Variants in CYP4F3 observed in about 807,000 individuals in gnomAD.
CYP4F3 encodes the protein cytochrome P450 4F3.
CYP4F3 carries 50 observed loss-of-function variants against 54.8 expected under a neutral mutation model. The ratio of observed to expected loss-of-function variants is 0.91; its 90% CI spans 0.73 to 1.16. CYP4F3 has a LOEUF of 1.16. CYP4F3 is among the 50% of genes most tolerant of loss of function. The probability of loss-of-function intolerance (pLI) is 0.00; values close to 1 mark genes in which losing one functional copy is unlikely to be tolerated. For missense variants in CYP4F3, 715 were observed against 676.2 expected (o/e 1.06, Z -0.64); for synonymous variants, 244 against 262.6 (o/e 0.93, Z 0.69).
At chr19:15,655,837 T>C (rs1328110896) in intron 9 of CYP4F3, among the ~76,000 whole-genome samples, 1 of 152,250 alleles carries the variant, frequency 6.6e-6, no homozygotes, top group Non-Finnish European at 1.5e-5. Flanking sequence ...CACAGTATGA[T>C]GTTGTGATAT....
chr19:15,646,954 G>A (rs1972644072), intron 3 of CYP4F3, 98 bp from the exon 4 acceptor site: 1 of 1,533,488 alleles, frequency 6.5e-7, no homozygotes, highest in African/African-American at 1.4e-5. Context: ...GGGGCTTGGA[G>A]GGAAGAAGTG....
chr19:15,650,700 CT>C (rs1173605843), intron 7 of CYP4F3, among the ~76,000 whole-genome samples: 1 of 59,440 alleles, frequency 1.7e-5, no homozygotes, highest in African/African-American at 9.8e-5. Flanking sequence ...TTCTTTCTTT[CT>C]TTCTTTCTTT....
In CYP4F3 at chr19:15,643,507, G is replaced by A. The variant is rs558196845; in HGVS notation, c.198+1894G>A. 7.2e-5 allele frequency among the ~76,000 whole-genome samples: 11 copies of A among 152,172 alleles called. No homozygotes were observed. The East Asian group carries it at 1.5e-3, about 21-fold the overall frequency. ...ATAGATAGAAGAGGGAGTTTATTTC[G>A]GGAATTGGCTCACAGGATTATAGAA... is the stretch of plus-strand genomic sequence containing the variant. On this transcript the variant is annotated intron_variant, in intron 2 of 12. Transcript: ENST00000221307.
At chr19:15,642,216 T>C (rs1345971096) in intron 2 of CYP4F3, among the ~76,000 whole-genome samples, 1 of 152,176 alleles carries the variant, frequency 6.6e-6, no homozygotes, top group African/African-American at 2.4e-5. Flanking sequence ...AGACCTGCTC[T>C]CCCCTTTGCG....
chr19:15,647,459 C>T, intron 5 of CYP4F3, 135 bp downstream of exon 5: 24 of 1,428,904 alleles, frequency 1.7e-5, no homozygotes, highest in Non-Finnish European at 2.2e-5. Context: ...GTTTCCTCAT[C>T]TGTAAAATCC....
intron 2 of CYP4F3, among the ~76,000 whole-genome samples, chr19:15,642,884 A>AGATG (rs29001545): frequency 0.011 from 1,731 of 150,842 alleles, 31 homozygotes; most frequent in Admixed American, 0.043. Context: ...TGCATGGATA[A>AGATG]GATGGATGGA....
At chr19:15,643,784 C>A (rs1281906484) in intron 2 of CYP4F3, 24 of 1,225,986 alleles carry the variant, frequency 2.0e-5, no homozygotes, top group Non-Finnish European at 2.2e-5. Flanking sequence ...AAATTGAATG[C>A]CAGTCTCTTC....
At chr19:15,642,106 G>A (rs997482791) in intron 2 of CYP4F3, among the ~76,000 whole-genome samples, 1 of 151,458 alleles carries the variant, frequency 6.6e-6, no homozygotes, top group Non-Finnish European at 1.5e-5. Flanking sequence ...ATGTCCCAAT[G>A]GGGTCCTGTT....
At position 15,645,757 on chromosome 19, in the gene CYP4F3, C is replaced by G. The variant is rs754771945; in HGVS notation, c.237C>G (p.Ser79Arg). Reference protein sequence around the residue: ...SSEEGLLYTQSLACTFGDMCC... With the variant: ...SSEEGLLYTQRLACTFGDMCC... The stretch of plus-strand genomic sequence containing the variant: ...AGGAAGGTCTCCTATACACACAAAG[C>G]CTGGCATGCACCTTCGGTGATATGT... The change falls in exon 3 of 13, where the codon AGC becomes AGG. Residue 79 changes from serine (S) to arginine (R), a missense_variant. By Grantham distance (110) the Ser-to-Arg change is moderately radical. Transcript: ENST00000221307. 1.1e-5 allele frequency: 17 copies of G among 1,613,884 alleles called. No individual in the cohort carries two copies.
At chr19:15,658,173 G>A in intron 9 of CYP4F3, 91 bp from the exon 10 acceptor site, 1 of 1,565,428 alleles carries the variant, frequency 6.4e-7, no homozygotes, top group Non-Finnish European at 8.6e-7. Flanking sequence ...TTTCGTTACA[G>A]GGAGAAAAGG....
intron 10 of CYP4F3, 33 bp from the exon 11 acceptor site, chr19:15,658,458 G>A (rs1417582348): frequency 1.9e-6 from 3 of 1,613,884 alleles, no homozygotes; most frequent in African/African-American, 1.3e-5. Context: ...CAGGCAGGGA[G>A]CATTGTCCTG....
intron 3 of CYP4F3, among the ~76,000 whole-genome samples, chr19:15,646,492 TTA>T (rs1161917231): frequency 6.6e-6 from 1 of 152,206 alleles, no homozygotes; most frequent in Admixed American, 6.5e-5. Context: ...GGTACCATAT[TTA>T]TATTCAACCT....
intron 2 of CYP4F3, among the ~76,000 whole-genome samples, chr19:15,645,402 A>G (rs1390220237): frequency 6.6e-6 from 1 of 152,218 alleles, no homozygotes; most frequent in Non-Finnish European, 1.5e-5. Flanking sequence ...CAGGTTTGCC[A>G]TGGTCTGGGA....
chr19:15,646,005 C>T, intron 3 of CYP4F3, 142 bp downstream of exon 3: 1 of 1,222,758 alleles, frequency 8.2e-7, no homozygotes, highest in Non-Finnish European at 1.1e-6. Flanking sequence ...CTGCTTCCAT[C>T]TCCCCTGGAC....
At position 15,659,390 on chromosome 19, in the gene CYP4F3, T is replaced by G; in HGVS notation, c.*5T>G. 6.2e-7 allele frequency: 1 copy of G among 1,610,418 alleles called. No individual in the cohort carries two copies. ...CGGGTGGAGCCCCTGAGCTGAGTTC[T>G]GCAGAGACCCACTCTGACCCCACTA... On this transcript the variant is annotated 3_prime_UTR_variant, in exon 13 of 13. Coordinates refer to ENST00000221307, the MANE Select transcript of CYP4F3 (RefSeq NM_000896.3).
intron 2 of CYP4F3, chr19:15,643,841 A>G (rs1335861782): frequency 7.0e-7 from 1 of 1,433,268 alleles, no homozygotes; most frequent in Non-Finnish European, 9.1e-7. Context: ...GGCATCCTTT[A>G]GCCCAGTCAA....
Position 15,647,302 on chromosome 19 carries a change from A to T in CYP4F3, c.503A>T (p.Asn168Ile), listed in dbSNP as rs370502478. 1 of 1,614,202 alleles carries T rather than the reference A, an allele frequency of 6.2e-7. No individual in the cohort carries two copies. Among genetic ancestry groups the T allele is most frequent in the East Asian group, 2.2e-5 (1 of 44,884 alleles). Residue 168 changes from asparagine to isoleucine, a missense_variant, in exon 5 of 13, where the codon AAT becomes ATT. Asn to Ile is a moderately radical substitution (Grantham distance 149). Coordinates refer to ENST00000221307, the MANE Select transcript of CYP4F3 (RefSeq NM_000896.3). ...NILKPYMKIF[N>I]ESVNIMHAKW... is the part of the protein sequence containing the mutation. ...CTGAAGCCCTATATGAAGATTTTCAATGAGAGTGTGAACATCATGCATGTG... is the reference window on the plus strand; with the variant it reads ...CTGAAGCCCTATATGAAGATTTTCATTGAGAGTGTGAACATCATGCATGTG...
chr19:15,661,455 A>G lies in CYP4F3; in HGVS notation c.*2070A>G, dbSNP rs1973182855. 6.6e-6 allele frequency: 1 copy of G among 152,238 alleles called. No homozygotes were observed. Among genetic ancestry groups the G allele is most frequent in the South Asian group, 2.1e-4 (1 of 4,836 alleles). 9.4% of individuals were successfully genotyped at this position (152,238 alleles called of 1,614,324 possible). On this transcript the variant is annotated 3_prime_UTR_variant, in exon 13 of 13. Coordinates refer to ENST00000221307, the MANE Select transcript of CYP4F3 (RefSeq NM_000896.3). ...TTTTGTTTCAGCCTTCCTTATGGGT[A>G]TGCTGTGGCATATCCCTGAGATTTT... is the stretch of plus-strand genomic sequence containing the variant.
At chr19:15,644,430 G>T (rs1015805441) in intron 2 of CYP4F3, among the ~76,000 whole-genome samples, 1 of 152,242 alleles carries the variant, frequency 6.6e-6, no homozygotes, top group Admixed American at 6.5e-5. Context: ...TGCTGGGGCA[G>T]GCTGGAAGCC....
Sources: gnomAD v4.1 joint callset for allele counts (sites outside exome capture counted in the v4.1 genomes callset) on GRCh38, gnomAD v4.1.1 for gene constraint, MANE v1.5 for transcripts, NCBI Gene and HGNC (gene_info 2026-07-23, HGNC 2026-07-21) for gene names.